The following NTRK2 variants were observed in gnomAD, a reference collection of about 807,000 sequenced individuals.
NTRK2 encodes BDNF/NT-3 growth factors receptor.
Under a neutral mutation model 94.5 loss-of-function variants are expected in NTRK2, and 13 were observed. The observed-to-expected ratio is 0.14, with a 90% CI of 0.09 to 0.22. The LOEUF (loss-of-function observed/expected upper bound fraction) is 0.22. Among genes scored for constraint, NTRK2 ranks in the 10% least tolerant of loss-of-function variants. The probability of loss-of-function intolerance (pLI) is 1.00; values close to 1 mark genes in which losing one functional copy is unlikely to be tolerated. For synonymous variants in NTRK2, 372 were observed against 407.4 expected, an observed-to-expected ratio of 0.91 and a Z score of 1.05; for missense variants, 639 against 1,071.2, an observed-to-expected ratio of 0.60 and a Z score of 5.63.
intron 2 of NTRK2, among the ~76,000 whole-genome samples, chr9:84,672,970 C>T (rs546631913): frequency 1.3e-5 from 2 of 152,328 alleles, no homozygotes; most frequent in South Asian, 2.1e-4. Context: ...CTAATTTCTA[C>T]TCTAACTTTT....
At chr9:84,964,326 G>A (rs894206713) in intron 17 of NTRK2, among the ~76,000 whole-genome samples, 1 of 152,160 alleles carries the variant, frequency 6.6e-6, no homozygotes, top group Non-Finnish European at 1.5e-5. Context: ...CACTATTGAG[G>A]CAAGATCCTC....
intron 13 of NTRK2, among the ~76,000 whole-genome samples, chr9:84,864,215 G>A (rs1010516757): frequency 7.2e-5 from 11 of 152,238 alleles, no homozygotes; most frequent in Middle Eastern, 3.4e-3. Context: ...GAAAGCAACT[G>A]GGGTCAATGC....
At position 84,723,610 on chromosome 9, in the gene NTRK2, T is replaced by C. The variant is rs1197184485; in HGVS notation, c.621T>C (p.Thr207=). 6.2e-7 allele frequency: 1 copy of C among 1,614,146 alleles called. No individual in the cohort carries two copies. The change falls in exon 7 of 19, where the codon ACT becomes ACC. Residue 207 remains threonine, a synonymous_variant. Transcript: ENST00000277120. ...PSANLAAPNL[T]VEEGKSITLS... Reference sequence around the variant, plus strand: ...CAAATCTGGCCGCACCTAACCTCACTGTGGAGGAAGGAAAGTCTATCACAT... The same window carrying C: ...CAAATCTGGCCGCACCTAACCTCACCGTGGAGGAAGGAAAGTCTATCACAT...
At chr9:84,922,062 G>GATAT (rs1239655659) in intron 14 of NTRK2, among the ~76,000 whole-genome samples, 1 of 152,132 alleles carries the variant, frequency 6.6e-6, no homozygotes, top group African/African-American at 2.4e-5. Flanking sequence ...TGTGTGTGAA[G>GATAT]ATATGACTTA....
chr9:84,962,622 G>T (rs913032522), intron 17 of NTRK2, among the ~76,000 whole-genome samples: 3 of 152,134 alleles, frequency 2.0e-5, no homozygotes, highest in Admixed American at 6.5e-5. Context: ...AGTGGACATT[G>T]CCCATTGGCT....
chr9:84,828,138 G>A (rs1207815240), intron 12 of NTRK2, among the ~76,000 whole-genome samples: 1 of 152,080 alleles, frequency 6.6e-6, no homozygotes, highest in Admixed American at 6.6e-5. Context: ...TTGCAGAATC[G>A]GAGCTGTCAT....
At chr9:84,853,025 T>A (rs994221860) in intron 12 of NTRK2, among the ~76,000 whole-genome samples, 2 of 152,180 alleles carry the variant, frequency 1.3e-5, no homozygotes, top group African/African-American at 4.8e-5. Flanking sequence ...CACTGGCCTT[T>A]TCTCTTAAGA....
At chr9:84,965,372 T>C (rs1031741839) in intron 17 of NTRK2, among the ~76,000 whole-genome samples, 1 of 152,174 alleles carries the variant, frequency 6.6e-6, no homozygotes, top group Non-Finnish European at 1.5e-5. Context: ...ACACGTGTCC[T>C]GGGGAGAAGA....
At chr9:84,826,328 G>A (rs902728497) in intron 12 of NTRK2, among the ~76,000 whole-genome samples, 1 of 152,152 alleles carries the variant, frequency 6.6e-6, no homozygotes, top group Non-Finnish European at 1.5e-5. Flanking sequence ...CCTTCAGCTC[G>A]CCTTCTCCCT....
chr9:84,849,470 G>A (rs913230935), intron 12 of NTRK2, among the ~76,000 whole-genome samples: 5 of 152,170 alleles, frequency 3.3e-5, no homozygotes, highest in Admixed American at 2.0e-4. Context: ...TCATGGATCC[G>A]TGCTATACCA....
intron 14 of NTRK2, chr9:84,871,743 T>G: frequency 1.9e-6 from 3 of 1,546,560 alleles, no homozygotes; most frequent in Non-Finnish European, 2.7e-6. Context: ...AGGGCTGAAT[T>G]CCTCCCGAGC....
At chr9:84,990,442 T>A (rs556109231) in intron 17 of NTRK2, among the ~76,000 whole-genome samples, 1 of 152,300 alleles carries the variant, frequency 6.6e-6, no homozygotes, top group South Asian at 2.1e-4. Context: ...TTTTGTGTGG[T>A]TTTGTATTCA....
At chr9:84,762,260 C>T (rs1417259760) in intron 12 of NTRK2, among the ~76,000 whole-genome samples, 13 of 152,122 alleles carry the variant, frequency 8.5e-5, no homozygotes, top group Non-Finnish European at 1.9e-4. Flanking sequence ...AGCTTGAGAG[C>T]AAAGAGAGGC....
intron 6 of NTRK2, among the ~76,000 whole-genome samples, chr9:84,716,888 G>A (rs1466772700): frequency 6.6e-6 from 1 of 152,160 alleles, no homozygotes; most frequent in Non-Finnish European, 1.5e-5. Context: ...AAGTCATTTT[G>A]CTAACTTTCT....
intron 17 of NTRK2, among the ~76,000 whole-genome samples, chr9:85,004,170 G>A (rs1830707611): frequency 6.6e-6 from 1 of 151,618 alleles, no homozygotes; most frequent in South Asian, 2.1e-4. Flanking sequence ...TCAAAAGGGG[G>A]ATGAAATCTG....
intron 12 of NTRK2, among the ~76,000 whole-genome samples, chr9:84,797,833 AAT>A (rs1248853316): frequency 3.2e-5 from 3 of 93,200 alleles, no homozygotes; most frequent in African/African-American, 4.2e-5. Flanking sequence ...ATACTATAAT[AAT>A]ATATATATTA....
intron 14 of NTRK2, among the ~76,000 whole-genome samples, chr9:84,901,528 G>C (rs770185214): frequency 6.6e-6 from 1 of 151,956 alleles, no homozygotes; most frequent in Non-Finnish European, 1.5e-5. Context: ...CACCGCGCCC[G>C]ACCATAATTT....
intron 12 of NTRK2, among the ~76,000 whole-genome samples, chr9:84,794,247 T>C (rs946602808): frequency 6.6e-6 from 1 of 152,062 alleles, no homozygotes; most frequent in Non-Finnish European, 1.5e-5. Context: ...TACAAGGAGA[T>C]TAGGAAGAAG....
At position 84,674,379 on chromosome 9, in the gene NTRK2, G is replaced by A. The variant is rs113585488; in HGVS notation, c.212+3419G>A. ...TGACAGACTCTATGTGCAATTTATT[G>A]TTGGCCTGGTTAAGCAGCTGTAATG... On this transcript the variant is annotated intron_variant, in intron 2 of 18. Transcript: ENST00000277120. Among the ~76,000 whole-genome samples, 235 of 152,210 alleles carry A rather than the reference G, an allele frequency of 1.5e-3. 1 individual carries two copies. Among genetic ancestry groups the A allele is most frequent in the African/African-American group, 5.6e-3 (233 of 41,508 alleles).
Sources: gnomAD v4.1 joint callset for allele counts (sites outside exome capture counted in the v4.1 genomes callset) on GRCh38, gnomAD v4.1.1 for gene constraint, MANE v1.5 for transcripts, NCBI Gene and HGNC (gene_info 2026-07-23, HGNC 2026-07-21) for gene names.